The following AKAP8 variants were observed in gnomAD, a reference collection of about 807,000 sequenced individuals.
AKAP8 encodes the protein A-kinase anchoring protein 8.
Under a neutral mutation model 67.5 loss-of-function variants are expected in AKAP8, and 24 were observed. The ratio of observed to expected loss-of-function variants is 0.36; its 90% CI spans 0.26 to 0.50. The LOEUF is 0.50. Among genes scored for constraint, AKAP8 ranks in the 20% least tolerant of loss-of-function variants. AKAP8 has a pLI of 0.97. For missense variants in AKAP8, 971 were observed against 955.9 expected, an observed-to-expected ratio of 1.02 and a Z score of -0.21; for synonymous variants, 400 against 371.1, an observed-to-expected ratio of 1.08 and a Z score of -0.90.
intron 2 of AKAP8, 135 bp downstream of exon 2, chr19:15,376,841 C>T: frequency 1.0e-6 from 1 of 971,450 alleles, no homozygotes; most frequent in Non-Finnish European, 1.6e-6. Context: ...CAAAGATATT[C>T]ACTATCTGAT....
intron 4 of AKAP8, 31 bp downstream of exon 4, chr19:15,373,755 G>A: frequency 6.3e-7 from 1 of 1,583,894 alleles, no homozygotes; most frequent in Non-Finnish European, 8.5e-7. Context: ...GATGTGTGGG[G>A]TCCCGGGGGA....
At chr19:15,373,491 C>A (rs1967198217) in intron 4 of AKAP8, 151 bp from the exon 5 acceptor site, 3 of 1,237,138 alleles carry the variant, frequency 2.4e-6, no homozygotes, top group Non-Finnish European at 3.3e-6. Context: ...AACTGACCAA[C>A]ACCCTCCCTG....
At position 15,373,854 on chromosome 19, in the gene AKAP8, G is replaced by T; in HGVS notation, c.303C>A (p.Asp101Glu). 1 of 1,612,808 alleles carries T rather than the reference G, an allele frequency of 6.2e-7. No individual in the cohort carries two copies. The highest frequency in any genetic ancestry group is 8.5e-7 in the Non-Finnish European group (1 of 1,179,932). ...CCCTGCCTCCTTCCTTGGACATCATGTCCAAACGCTGGTTGATCTTGGCAA... is the reference window on the plus strand; with the variant it reads ...CCCTGCCTCCTTCCTTGGACATCATTTCCAAACGCTGGTTGATCTTGGCAA... The part of the protein sequence containing the change: ...SLIAKINQRL[D>E]MMSKEGGRGG... Residue 101 changes from aspartate to glutamate, a missense_variant, in exon 4 of 14, where the codon GAC becomes GAA. By Grantham distance (45) the Asp-to-Glu change is conservative (BLOSUM62 2). Around this residue, in one of 3 missense-constraint regions of AKAP8, gnomAD observed 763 missense variants for 745.4 expected, o/e 1.02. Coordinates refer to ENST00000269701, the MANE Select transcript of AKAP8 (RefSeq NM_005858.4).
intron 7 of AKAP8, among the ~76,000 whole-genome samples, chr19:15,370,770 T>C (rs1967142904): frequency 6.6e-6 from 1 of 151,830 alleles, no homozygotes; most frequent in Admixed American, 6.6e-5. Flanking sequence ...TAGCTGGGAC[T>C]ATAGGCGCAT....
At chr19:15,368,125 G>C (rs907755804) in intron 9 of AKAP8, 110 bp downstream of exon 9, 13 of 1,421,204 alleles carry the variant, frequency 9.1e-6, no homozygotes, top group Non-Finnish European at 1.3e-5. Flanking sequence ...TTGGCCAGAG[G>C]AGTCAGGCCA....
At chr19:15,379,312 C>G (rs1480682497) in intron 1 of AKAP8, 2 of 209,272 alleles carry the variant, frequency 9.6e-6, no homozygotes, top group African/African-American at 4.6e-5. Flanking sequence ...CGCTGTAGCT[C>G]CGCCCCCCTA....
In AKAP8 at chr19:15,372,997, A is replaced by C; in HGVS notation, c.715T>G (p.Ser239Ala). ...YVGGRGLGGPSPSRPPPSLFS... is the reference protein window; with the variant it reads ...YVGGRGLGGPAPSRPPPSLFS... ...AGGGACGGAGGTGGCCGGCTGGGGG[A>C]GGGCCCTCCCAGGCCCCGTCCACCC... The change falls in exon 5 of 14, where the codon TCC (serine) becomes GCC (alanine). Residue 239 changes from serine (S) to alanine (A), a missense_variant. Transcript: ENST00000269701. 6.4e-7 allele frequency: 1 copy of C among 1,566,552 alleles called. No homozygotes were observed. Among genetic ancestry groups the C allele is most frequent in the African/African-American group, 1.4e-5 (1 of 73,772 alleles).
intron 12 of AKAP8, 98 bp downstream of exon 12, chr19:15,360,750 G>A (rs965392225): frequency 1.1e-5 from 16 of 1,402,838 alleles, no homozygotes; most frequent in Non-Finnish European, 1.5e-5. Context: ...AACATAGCAA[G>A]AACCCCTAAA....
chr19:15,379,426 C>G, intron 1 of AKAP8: 1 of 407,350 alleles, frequency 2.5e-6, no homozygotes, highest in Non-Finnish European at 4.3e-6. Flanking sequence ...GCAAAAACGG[C>G]CCACACTGTC....
Position 15,360,918 on chromosome 19 carries a change from A to G in AKAP8, c.1457T>C (p.Met486Thr), listed in dbSNP as rs377455281. ...IEAAHCLACDMLIPAQPQLLQ... is the reference protein window; with the variant it reads ...IEAAHCLACDTLIPAQPQLLQ... Reference sequence around the variant, plus strand: ...GAGCTGCGGCTGTGCAGGAATTAGCATGTCGCAGGCCAGGCAGTGAGCAGC... The same window carrying G: ...GAGCTGCGGCTGTGCAGGAATTAGCGTGTCGCAGGCCAGGCAGTGAGCAGC... The change falls in exon 12 of 14, where the codon ATG becomes ACG. Residue 486 changes from methionine (M) to threonine (T), a missense_variant. Met to Thr is a moderately conservative substitution (Grantham distance 81). Coordinates refer to ENST00000269701, the MANE Select transcript of AKAP8 (RefSeq NM_005858.4). 4.8e-5 allele frequency: 77 copies of G among 1,613,730 alleles called. No homozygotes were observed. The highest frequency in any genetic ancestry group is 8.5e-6 in the Non-Finnish European group (10 of 1,179,954).
intron 8 of AKAP8, chr19:15,368,885 C>A: frequency 2.0e-6 from 2 of 985,326 alleles, no homozygotes; most frequent in Non-Finnish European, 2.4e-6. Context: ...CTAGGGCTTT[C>A]CCAGGGCTGC....
At chr19:15,370,094 C>T (rs1967129514) in intron 8 of AKAP8, 52 bp downstream of exon 8, 9 of 1,608,726 alleles carry the variant, frequency 5.6e-6, no homozygotes, top group South Asian at 3.3e-5. Context: ...GCAGTAAGTG[C>T]GGGGCAGCTG....
intron 3 of AKAP8, 94 bp downstream of exon 3, chr19:15,374,509 T>A (rs1967218319): frequency 1.4e-6 from 2 of 1,449,040 alleles, no homozygotes; most frequent in Non-Finnish European, 9.4e-7. Flanking sequence ...AGCCAGAAAG[T>A]CCACGCCAGA....
chr19:15,374,960 C>T (rs566962927), intron 2 of AKAP8, among the ~76,000 whole-genome samples: 2 of 152,334 alleles, frequency 1.3e-5, no homozygotes, highest in African/African-American at 2.4e-5. Context: ...GCAGAGACCT[C>T]GTAAAGGGTC....
At chr19:15,372,698 G>A (rs1967180188) in intron 5 of AKAP8, among the ~76,000 whole-genome samples, 153 bp downstream of exon 5, 2 of 152,286 alleles carry the variant, frequency 1.3e-5, no homozygotes, top group East Asian at 1.9e-4. Flanking sequence ...GACTGTGATG[G>A]TGGGGATGGT....
intron 9 of AKAP8, among the ~76,000 whole-genome samples, chr19:15,365,988 C>T (rs1045451175): frequency 6.7e-6 from 1 of 148,788 alleles, no homozygotes; most frequent in African/African-American, 2.5e-5. Context: ...CGTGCCACTG[C>T]ACTCTAGGAT....
At chr19:15,357,238 C>T (rs1476083751) in intron 13 of AKAP8, among the ~76,000 whole-genome samples, 2 of 150,904 alleles carry the variant, frequency 1.3e-5, no homozygotes, top group African/African-American at 4.9e-5. Context: ...GGATTACAGG[C>T]GTGAGCCACC....
chr19:15,359,475 G>A (rs1411337005), intron 12 of AKAP8, among the ~76,000 whole-genome samples: 7 of 152,122 alleles, frequency 4.6e-5, no homozygotes, highest in Non-Finnish European at 7.4e-5. Context: ...ATCCTAGCAC[G>A]TTGGGAGGCT....
chr19:15,369,246 C>T lies in AKAP8; in HGVS notation c.1072+900G>A. ...GGACCTGCGCGCAACAGACATGTCA[C>T]CTTTGCTTTAGCATTGTGCCGCTAA... On this transcript the variant is annotated intron_variant, in intron 8 of 13. Coordinates refer to ENST00000269701, the MANE Select transcript of AKAP8 (RefSeq NM_005858.4). The surrounding 1 kb of genome is among the most constrained non-coding windows in gnomAD (Gnocchi z 4.6). 1 of 985,496 alleles carries T rather than the reference C, an allele frequency of 1.0e-6. No individual in the cohort carries two copies. The highest frequency in any genetic ancestry group is 1.2e-6 in the Non-Finnish European group (1 of 829,970). 61.0% of individuals were successfully genotyped at this position (985,496 alleles called of 1,614,324 possible). A position where few individuals can be genotyped will look rare whatever the true frequency, so the allele number is the denominator to read the frequency against.
Sources: allele counts gnomAD v4.1 joint callset (sites outside exome capture counted in the v4.1 genomes callset), GRCh38; gene constraint gnomAD v4.1.1; regional missense constraint gnomAD v4.1.1; non-coding constraint Gnocchi (gnomAD v3.1); transcripts MANE v1.5; gene names NCBI Gene and HGNC (gene_info 2026-07-23, HGNC 2026-07-21).